VGLL3: variants seen among roughly 807,000 people sequenced by gnomAD.
VGLL3 encodes the protein transcription cofactor vestigial-like protein 3.
VGLL3 carries 18 observed loss-of-function variants against 29.2 expected under a neutral mutation model. The ratio of observed to expected loss-of-function variants is 0.62; its 90% CI spans 0.43 to 0.91. The LOEUF is 0.91. Among genes scored for constraint, VGLL3 ranks in the 40% least tolerant of loss-of-function variants. The probability of loss-of-function intolerance (pLI) is 0.00; values close to 1 mark genes in which losing one functional copy is unlikely to be tolerated. For synonymous variants in VGLL3, 180 were observed against 151.8 expected, an observed-to-expected ratio of 1.19 and a Z score of -1.36; for missense variants, 440 against 413.2, an observed-to-expected ratio of 1.06 and a Z score of -0.56.
intron 2 of VGLL3, among the ~76,000 whole-genome samples, chr3:86,974,080 T>A (rs1429686581): frequency 6.6e-6 from 1 of 152,100 alleles, no homozygotes; most frequent in African/African-American, 2.4e-5. Flanking sequence ...AACATATATT[T>A]GTATGGAGAT....
chr3:86,989,145 A>T (rs1256631236), intron 1 of VGLL3, among the ~76,000 whole-genome samples: 4 of 152,234 alleles, frequency 2.6e-5, no homozygotes, highest in Non-Finnish European at 5.9e-5. Context: ...ACCCTAAAAA[A>T]TAAAGCCATA....
At chr3:86,977,003 T>C (rs774677953) in intron 2 of VGLL3, among the ~76,000 whole-genome samples, 5 of 152,226 alleles carry the variant, frequency 3.3e-5, no homozygotes, top group Non-Finnish European at 5.9e-5. Flanking sequence ...CATTAGTCTA[T>C]TACATAAGCA....
intron 1 of VGLL3, among the ~76,000 whole-genome samples, chr3:86,982,975 A>C (rs1705359697): frequency 6.6e-6 from 1 of 152,198 alleles, no homozygotes; most frequent in Non-Finnish European, 1.5e-5. Context: ...TACAGACCAT[A>C]TCCAACCACC....
intron 3 of VGLL3, chr3:86,962,571 A>T: frequency 2.1e-6 from 2 of 969,378 alleles, no homozygotes; most frequent in Non-Finnish European, 2.5e-6. Flanking sequence ...CAAAAATTTA[A>T]ATTTAAATAT....
At chr3:86,966,277 ATT>A (rs1704957837) in intron 3 of VGLL3, among the ~76,000 whole-genome samples, 1 of 151,980 alleles carries the variant, frequency 6.6e-6, no homozygotes, top group Non-Finnish European at 1.5e-5. Context: ...TGAACTCTAG[ATT>A]TTCCCCAGAA....
intron 3 of VGLL3, among the ~76,000 whole-genome samples, chr3:86,959,288 T>C (rs1704789385): frequency 6.6e-6 from 1 of 152,194 alleles, no homozygotes; most frequent in African/African-American, 2.4e-5. Context: ...TTTATGCCTA[T>C]TATATTTTTA....
intron 3 of VGLL3, among the ~76,000 whole-genome samples, chr3:86,958,305 A>C (rs1017011896): frequency 6.6e-6 from 1 of 152,158 alleles, no homozygotes; most frequent in African/African-American, 2.4e-5. Flanking sequence ...CTGTTACTAC[A>C]TTTTCCAGTC....
intron 3 of VGLL3, among the ~76,000 whole-genome samples, chr3:86,960,355 T>C (rs1704812518): frequency 6.6e-6 from 1 of 152,140 alleles, no homozygotes; most frequent in Non-Finnish European, 1.5e-5. Flanking sequence ...GCACAAGCTG[T>C]CCATGAAGAG....
In VGLL3 at chr3:86,941,769, T is replaced by C. The variant is rs1394661141; in HGVS notation, c.*5255A>G. 1 of 151,916 alleles carries C rather than the reference T, an allele frequency of 6.6e-6. No homozygotes were observed. The highest frequency in any genetic ancestry group is 1.5e-5 in the Non-Finnish European group (1 of 67,986). The allele number at this position is 151,916 out of a possible 1,614,324, so 9.4% of individuals were successfully genotyped here. A position where few individuals can be genotyped will look rare whatever the true frequency, so the allele number is the denominator to read the frequency against. On this transcript the variant is annotated 3_prime_UTR_variant, in exon 4 of 4. Coordinates refer to ENST00000398399, the MANE Select transcript of VGLL3 (RefSeq NM_016206.4). ...GTTGTAAAAGTGTACATGGTGCAATTCCCAGAGAGCACTACAAGATTCAAA... is the reference window on the plus strand; with the variant it reads ...GTTGTAAAAGTGTACATGGTGCAATCCCCAGAGAGCACTACAAGATTCAAA...
intron 3 of VGLL3, among the ~76,000 whole-genome samples, chr3:86,967,655 G>A (rs73844422): frequency 3.9e-4 from 59 of 152,276 alleles, no homozygotes; most frequent in African/African-American, 1.4e-3. Flanking sequence ...CTTTTGGAAA[G>A]AGAGTTCCAA....
At chr3:86,978,903 A>T (rs759290918) in intron 1 of VGLL3, 101 bp from the exon 2 acceptor site, 40 of 1,305,760 alleles carry the variant, frequency 3.1e-5, no homozygotes, top group Non-Finnish European at 3.9e-5. Context: ...AAATATTAAC[A>T]TATGTTTGCA....
chr3:86,959,703 T>G (rs1704799607), intron 3 of VGLL3, among the ~76,000 whole-genome samples: 1 of 152,138 alleles, frequency 6.6e-6, no homozygotes, highest in Non-Finnish European at 1.5e-5. Context: ...AACTGGGTAT[T>G]GTAGATGTTA....
chr3:86,969,240 T>C, intron 2 of VGLL3, 117 bp from the exon 3 acceptor site: 1 of 1,251,912 alleles, frequency 8.0e-7, no homozygotes, highest in Non-Finnish European at 1.1e-6. Context: ...CAAATTAGCA[T>C]GCACTCTTAT....
At chr3:86,978,456 C>A in intron 2 of VGLL3, 70 bp downstream of exon 2, 1 of 1,536,908 alleles carries the variant, frequency 6.5e-7, no homozygotes, top group Non-Finnish European at 8.8e-7. Flanking sequence ...AAGTCTCCAG[C>A]TGGAACCTGG....
intron 3 of VGLL3, among the ~76,000 whole-genome samples, chr3:86,958,613 A>G (rs1012163916): frequency 7.2e-5 from 11 of 152,210 alleles, no homozygotes; most frequent in African/African-American, 2.7e-4. Context: ...GATCTCAGAG[A>G]GCAGGGGAAT....
chr3:86,945,575 A>G lies in VGLL3; in HGVS notation c.*1449T>C, dbSNP rs1054587173. On this transcript the variant is annotated 3_prime_UTR_variant, in exon 4 of 4. Coordinates refer to ENST00000398399, the MANE Select transcript of VGLL3 (RefSeq NM_016206.4). ...AGTATCAATAACTGTTACTTTCATA[A>G]TCTTAATCTTCTCCTAGCAGTGTCT... 3 of 152,160 alleles carry G rather than the reference A, an allele frequency of 2.0e-5. No homozygotes were observed. Among genetic ancestry groups the G allele is most frequent in the Admixed American group, 6.5e-5 (1 of 15,268 alleles). The allele number at this position is 152,160 out of a possible 1,614,324, so 9.4% of individuals were successfully genotyped here. A position where few individuals can be genotyped will look rare whatever the true frequency, so the allele number is the denominator to read the frequency against.
chr3:86,988,711 A>AAATTTTTAACAAGCCATTTT (rs1553708079), intron 1 of VGLL3, among the ~76,000 whole-genome samples: 1 of 59,950 alleles, frequency 1.7e-5, no homozygotes, highest in Non-Finnish European at 4.5e-5. Flanking sequence ...GAAGAAAAAG[A>AAATTTTTAACAAGCCATTTT]AGAAAAAGCA....
At chr3:86,980,598 T>C (rs942674044) in intron 1 of VGLL3, among the ~76,000 whole-genome samples, 1 of 152,080 alleles carries the variant, frequency 6.6e-6, no homozygotes, top group Non-Finnish European at 1.5e-5. Context: ...TTAACTTCAA[T>C]AGTATAAACA....
chr3:86,961,919 C>T (rs1704851550), intron 3 of VGLL3: 3 of 978,994 alleles, frequency 3.1e-6, no homozygotes, highest in Non-Finnish European at 3.6e-6. Flanking sequence ...ATTTAAAATG[C>T]TTTTTTACTG....
Sources: allele counts gnomAD v4.1 joint callset (sites outside exome capture counted in the v4.1 genomes callset), GRCh38; gene constraint gnomAD v4.1.1; transcripts MANE v1.5; gene names NCBI Gene and HGNC (gene_info 2026-07-23, HGNC 2026-07-21).